The following RARB variants were observed in gnomAD, a reference collection of about 807,000 sequenced individuals.
RARB encodes HBV-activated protein.
In RARB, 17 loss-of-function variants were observed where a neutral mutation model predicts 51.9. The ratio of observed to expected loss-of-function variants is 0.33; its 90% CI spans 0.22 to 0.49. RARB has a LOEUF of 0.49. RARB is among the 20% of genes least tolerant of loss of function. The probability of loss-of-function intolerance (pLI) is 0.99; values close to 1 mark genes in which losing one functional copy is unlikely to be tolerated. For synonymous variants in RARB, 215 were observed against 195.4 expected, an observed-to-expected ratio of 1.10 and a Z score of -0.84; for missense variants, 369 against 550.8, an observed-to-expected ratio of 0.67 and a Z score of 3.30.
intron 3 of RARB, among the ~76,000 whole-genome samples, chr3:25,087,806 A>G (rs62230268): frequency 0.041 from 6,192 of 151,972 alleles, 168 homozygotes; most frequent in Middle Eastern, 0.075. Flanking sequence ...CTAGAAAACT[A>G]TAGCATTATT....
intron 5 of RARB, among the ~76,000 whole-genome samples, chr3:25,194,622 T>C (rs549436308): frequency 1.5e-4 from 23 of 151,414 alleles, no homozygotes; most frequent in African/African-American, 5.3e-4. Context: ...GGAGCTTAAT[T>C]AGAGTCCCTT....
At chr3:25,069,874 A>G (rs1698734140) in intron 3 of RARB, among the ~76,000 whole-genome samples, 1 of 152,108 alleles carries the variant, frequency 6.6e-6, no homozygotes, top group Admixed American at 6.5e-5. Context: ...TGACCCAATT[A>G]CTCATATGAA....
intron 2 of RARB, among the ~76,000 whole-genome samples, chr3:24,892,839 T>C (rs954477034): frequency 1.3e-5 from 2 of 152,280 alleles, no homozygotes; most frequent in African/African-American, 2.4e-5. Flanking sequence ...TAACATAATA[T>C]AGGTATAGAT....
chr3:24,920,142 T>C (rs1461610313), intron 2 of RARB, among the ~76,000 whole-genome samples: 2 of 152,216 alleles, frequency 1.3e-5, no homozygotes, highest in African/African-American at 2.4e-5. Context: ...AACCAAGGGT[T>C]TTCTTGAAGA....
At chr3:25,106,797 G>T (rs1283742277) in intron 3 of RARB, among the ~76,000 whole-genome samples, 1 of 151,984 alleles carries the variant, frequency 6.6e-6, no homozygotes, top group Non-Finnish European at 1.5e-5. Context: ...CTATTGAAAA[G>T]AACAATTATA....
chr3:25,131,035 A>G (rs1044170667), intron 3 of RARB, among the ~76,000 whole-genome samples: 6 of 150,726 alleles, frequency 4.0e-5, no homozygotes, highest in Admixed American at 6.7e-5. Flanking sequence ...TATTTTATCA[A>G]TGATCTTATC....
chr3:24,988,969 G>T (rs1045848655), intron 2 of RARB, among the ~76,000 whole-genome samples: 1 of 152,066 alleles, frequency 6.6e-6, no homozygotes, highest in African/African-American at 2.4e-5. Flanking sequence ...GGGATTACAG[G>T]CGTGTGCCAC....
chr3:25,003,194 C>CA (rs565249387), intron 2 of RARB, among the ~76,000 whole-genome samples: 1,449 of 89,232 alleles, frequency 0.016, 10 homozygotes, highest in Middle Eastern at 0.049. Context: ...GATCATAATG[C>CA]AAAAAAAAAA....
At chr3:25,466,147 T>C (rs942983927) in intron 2 of RARB, among the ~76,000 whole-genome samples, 3 of 152,218 alleles carry the variant, frequency 2.0e-5, no homozygotes, top group Non-Finnish European at 4.4e-5. Flanking sequence ...TAGTAAGTGA[T>C]AAGTACTAAG....
intron 5 of RARB, among the ~76,000 whole-genome samples, chr3:25,588,123 A>G (rs796628604): frequency 6.6e-6 from 1 of 152,400 alleles, no homozygotes; most frequent in African/African-American, 2.4e-5. Context: ...GACAACTGCT[A>G]TGAAGAAAAG....
chr3:25,428,563 T>TTAGC lies in RARB; in HGVS notation c.-167_-164dup. On this transcript the variant is annotated 5_prime_UTR_variant, in exon 1 of 8. The change creates a premature stop within an existing upstream ORF in the 5' untranslated region. Transcript: ENST00000330688. ...GATCATTTGGATCAATTACAGGCTT[T>TTAGC]TAGCTGGCTTGTCTGTCATAATTCA... 7.6e-7 allele frequency: 1 copy of TTAGC among 1,321,026 alleles called. No individual in the cohort carries two copies. The highest frequency in any genetic ancestry group is 2.7e-5 in the East Asian group (1 of 36,750). The allele number at this position is 1,321,026 out of a possible 1,614,324, so 81.8% of individuals were successfully genotyped here. A position where few individuals can be genotyped will look rare whatever the true frequency, so the allele number is the denominator to read the frequency against.
intron 1 of RARB, among the ~76,000 whole-genome samples, chr3:25,455,657 C>A: frequency 6.6e-6 from 1 of 152,288 alleles, no homozygotes; most frequent in East Asian, 1.9e-4. Flanking sequence ...TCAGAGCAGC[C>A]CTCTCAGCAT....
chr3:25,201,763 G>C (rs1250849364), intron 5 of RARB, among the ~76,000 whole-genome samples: 1 of 152,178 alleles, frequency 6.6e-6, no homozygotes, highest in African/African-American at 2.4e-5. Flanking sequence ...AACCAGCCTT[G>C]CATCCCAGGG....
At chr3:25,545,590 T>TG (rs761626756) in intron 3 of RARB, among the ~76,000 whole-genome samples, 1 of 152,182 alleles carries the variant, frequency 6.6e-6, no homozygotes, top group Non-Finnish European at 1.5e-5. Context: ...GGCATTGCTC[T>TG]GAGTAGCGGG....
chr3:25,363,984 A>G (rs1302555299), intron 5 of RARB, among the ~76,000 whole-genome samples: 1 of 152,138 alleles, frequency 6.6e-6, no homozygotes, highest in East Asian at 1.9e-4. Flanking sequence ...CTCATTGCTC[A>G]AACATCTTCT....
intron 3 of RARB, among the ~76,000 whole-genome samples, chr3:25,514,887 C>T (rs1178776481): frequency 6.6e-6 from 1 of 152,120 alleles, no homozygotes; most frequent in Non-Finnish European, 1.5e-5. Context: ...TGAAAGTGTC[C>T]AGACACAATG....
intron 5 of RARB, among the ~76,000 whole-genome samples, chr3:25,375,061 A>G (rs554501783): frequency 6.6e-6 from 1 of 152,338 alleles, no homozygotes; most frequent in Non-Finnish European, 1.5e-5. Flanking sequence ...AAATAAACAC[A>G]GTTGTCAACA....
At chr3:25,031,850 A>G (rs984019807) in intron 2 of RARB, among the ~76,000 whole-genome samples, 1 of 152,236 alleles carries the variant, frequency 6.6e-6, no homozygotes, top group African/African-American at 2.4e-5. Context: ...GATTAATATT[A>G]GTACTTAAAC....
rs147147650 is a variant in RARB, at chr3:25,437,833, T to C, written c.157+8945T>C. 1.3e-3 allele frequency among the ~76,000 whole-genome samples: 197 copies of C among 152,360 alleles called. 1 individual carries two copies. The highest frequency in any genetic ancestry group is 4.5e-3 in the African/African-American group (187 of 41,592). On this transcript the variant is annotated intron_variant, in intron 1 of 7. Coordinates refer to ENST00000330688, the MANE Select transcript of RARB (RefSeq NM_000965.5). ...AACTAGCTTCTTGAAGACTTTCATG[T>C]GGATGTTTCTGGAGCGTGTTAAGTA...
Sources: allele counts gnomAD v4.1 joint callset (sites outside exome capture counted in the v4.1 genomes callset), GRCh38; gene constraint gnomAD v4.1.1; transcripts MANE v1.5; gene names NCBI Gene and HGNC (gene_info 2026-07-23, HGNC 2026-07-21).